The following NOS2 variants were observed in gnomAD, a reference collection of about 807,000 sequenced individuals.
NOS2 encodes nitric oxide synthase 2, also known as nitric oxide synthase, inducible.
In NOS2, 96 loss-of-function variants were observed where a neutral mutation model predicts 136.0. That is an observed-to-expected ratio of 0.71 (90% CI 0.60 to 0.84). The LOEUF (loss-of-function observed/expected upper bound fraction) is 0.84, where lower values mean the gene tolerates loss of function less well. Among genes scored for constraint, NOS2 ranks in the 40% least tolerant of loss-of-function variants. The pLI, the probability that NOS2 is intolerant of heterozygous loss-of-function variation, is 0.00. For synonymous variants in NOS2, 539 were observed against 587.5 expected (o/e 0.92, Z 1.20); for missense variants, 1,237 against 1,496.9 (o/e 0.83, Z 2.87).
Position 27,762,929 on chromosome 17 carries a change from C to A in NOS2, c.2669G>T (p.Arg890Leu). ...LEVLEEFPSL[R>L]VSAGFLLSQL... ...GGAAAGCAGGAAGCCAGCAGACACC[C>A]GCAGGGACGGGAACTCCTCTAGCAC... The change falls in exon 22 of 27, where the codon CGG (arginine) becomes CTG (leucine). Residue 890 changes from arginine to leucine, a missense_variant. By Grantham distance (102) the Arg-to-Leu change is moderately radical. This residue lies in a region of NOS2 where 782 missense variants were observed against 909.9 expected (regional missense o/e 0.86). Coordinates refer to ENST00000313735, the MANE Select transcript of NOS2 (RefSeq NM_000625.4). The A allele has an allele frequency of 6.2e-7, 1 of 1,605,090 alleles. No individual in the cohort carries two copies.
At chr17:27,772,808 A>G (rs1908539792) in intron 13 of NOS2, among the ~76,000 whole-genome samples, 1 of 152,078 alleles carries the variant, frequency 6.6e-6, no homozygotes. Flanking sequence ...GCTGAGCAGG[A>G]AGATCGCTTG....
chr17:27,769,817 G>T (rs1908431975), intron 15 of NOS2, among the ~76,000 whole-genome samples: 1 of 152,164 alleles, frequency 6.6e-6, no homozygotes, highest in Non-Finnish European at 1.5e-5. Context: ...CCTCTTAATG[G>T]GGGACCTGGA....
chr17:27,792,082 T>C (rs1178663481), intron 2 of NOS2, among the ~76,000 whole-genome samples: 1 of 152,242 alleles, frequency 6.6e-6, no homozygotes, highest in Non-Finnish European at 1.5e-5. Context: ...AATGTCTTTG[T>C]ACATTTAACA....
At chr17:27,776,634 T>G (rs1011727217) in intron 11 of NOS2, among the ~76,000 whole-genome samples, 8 of 135,628 alleles carry the variant, frequency 5.9e-5, no homozygotes, top group Admixed American at 2.5e-4. Context: ...GATCACACCA[T>G]GCACTCCAGC....
At chr17:27,767,962 G>A (rs1908363058) in intron 17 of NOS2, 125 bp from the exon 18 acceptor site, 17 of 1,214,324 alleles carry the variant, frequency 1.4e-5, no homozygotes, top group Middle Eastern at 2.8e-4. Context: ...GTGTAACTTC[G>A]AAGCACACTT....
chr17:27,797,442 G>A (rs112904398), intron 2 of NOS2, among the ~76,000 whole-genome samples: 69 of 152,368 alleles, frequency 4.5e-4, no homozygotes, highest in African/African-American at 1.3e-3. Context: ...AGGAAATTGA[G>A]GCTCAGAGGC....
intron 18 of NOS2, 123 bp downstream of exon 18, chr17:27,767,582 G>C: frequency 8.6e-7 from 1 of 1,167,580 alleles, no homozygotes; most frequent in Non-Finnish European, 1.2e-6. Flanking sequence ...CTTGCATGCA[G>C]TGAGAGGGAG....
intron 21 of NOS2, 120 bp downstream of exon 21, chr17:27,763,861 G>A (rs1005773662): frequency 2.0e-5 from 15 of 751,980 alleles, no homozygotes; most frequent in Non-Finnish European, 2.7e-5. Flanking sequence ...CCTTTGACAA[G>A]TCTCACTTTG....
intron 5 of NOS2, among the ~76,000 whole-genome samples, chr17:27,783,905 G>C (rs1176879369): frequency 2.0e-5 from 3 of 152,186 alleles, no homozygotes; most frequent in Non-Finnish European, 4.4e-5. Flanking sequence ...CAGGAGCCTG[G>C]TCAAGCCAGG....
At chr17:27,765,363 C>A (rs1035223064) in intron 20 of NOS2, among the ~76,000 whole-genome samples, 172 bp downstream of exon 20, 40 of 152,230 alleles carry the variant, frequency 2.6e-4, no homozygotes, top group African/African-American at 5.1e-4. Context: ...GGGGGCCATG[C>A]CTTATGGGCT....
At position 27,762,806 on chromosome 17, in the gene NOS2, T is replaced by A. The variant is rs201282647; in HGVS notation, c.2792A>T (p.His931Leu). 5.2e-6 allele frequency: 8 copies of A among 1,549,210 alleles called. No homozygotes were observed. Among genetic ancestry groups the A allele is most frequent in the Non-Finnish European group, 7.0e-6 (8 of 1,146,872 alleles). ...CTCTGCCCCTGGCTCACCTCGGGTGTGGTAGGTGACCACGGCCACAGTCAG... is the reference window on the plus strand; with the variant it reads ...CTCTGCCCCTGGCTCACCTCGGGTGAGGTAGGTGACCACGGCCACAGTCAG... ...IHLTVAVVTYHTRDGQGPLHH... is the reference protein window; with the variant it reads ...IHLTVAVVTYLTRDGQGPLHH... The change falls in exon 22 of 27, where the codon CAC (histidine) becomes CTC (leucine). Residue 931 changes from histidine to leucine, a missense_variant. Coordinates refer to ENST00000313735, the MANE Select transcript of NOS2 (RefSeq NM_000625.4).
intron 13 of NOS2, 105 bp downstream of exon 13, chr17:27,773,055 TA>T: frequency 1.1e-6 from 1 of 917,146 alleles, no homozygotes; most frequent in Non-Finnish European, 1.8e-6. Flanking sequence ...GCAAAAAGCA[TA>T]ACCATTCCTT....
intron 1 of NOS2, among the ~76,000 whole-genome samples, chr17:27,800,005 T>A (rs1909481847): frequency 6.6e-6 from 1 of 152,152 alleles, no homozygotes; most frequent in Non-Finnish European, 1.5e-5. Context: ...AATATATCCA[T>A]CTTACCAGGA....
intron 26 of NOS2, among the ~76,000 whole-genome samples, chr17:27,757,883 C>G (rs1907978250): frequency 6.6e-6 from 1 of 152,178 alleles, no homozygotes; most frequent in Admixed American, 6.5e-5. Flanking sequence ...TAACTCCCAC[C>G]CCCGGGGCCT....
intron 2 of NOS2, among the ~76,000 whole-genome samples, chr17:27,794,360 C>G (rs1246260622): frequency 6.6e-6 from 1 of 152,290 alleles, no homozygotes; most frequent in Admixed American, 6.5e-5. Context: ...AAGCCCCTTC[C>G]GGTGCCTTGC....
At chr17:27,771,828 T>C (rs1174051364) in intron 14 of NOS2, among the ~76,000 whole-genome samples, 1 of 152,248 alleles carries the variant, frequency 6.6e-6, no homozygotes, top group Non-Finnish European at 1.5e-5. Context: ...CGCCACCCAC[T>C]GTCAGATCCT....
At chr17:27,766,454 T>C in intron 19 of NOS2, 56 bp downstream of exon 19, 1 of 1,410,088 alleles carries the variant, frequency 7.1e-7, no homozygotes, top group Admixed American at 1.7e-5. Context: ...TGATCTTTCA[T>C]TCGTTAAAAT....
chr17:27,770,801 G>T, intron 15 of NOS2, 112 bp downstream of exon 15: 1 of 723,434 alleles, frequency 1.4e-6, no homozygotes, highest in Non-Finnish European at 2.4e-6. Flanking sequence ...GGAGTGGCCT[G>T]AGCACTGACT....
At position 27,794,397 on chromosome 17, in the gene NOS2, T is replaced by C. The variant is rs560070482; in HGVS notation, c.110+4303A>G. ...GGCCCCTTGTCCTTGCTACCTGGAC[T>C]GCGCAGAGCCTCCTGACTTTGCTCC... is the stretch of plus-strand genomic sequence containing the variant. On this transcript the variant is annotated intron_variant, in intron 2 of 26. Transcript: ENST00000313735. Among the ~76,000 whole-genome samples, 10 of 152,324 alleles carry C rather than the reference T, an allele frequency of 6.6e-5. No homozygotes were observed. In the East Asian group the frequency reaches 1.7e-3, roughly 26 times the overall value.
Sources: allele counts gnomAD v4.1 joint callset (sites outside exome capture counted in the v4.1 genomes callset), GRCh38; gene constraint gnomAD v4.1.1; regional missense constraint gnomAD v4.1.1; transcripts MANE v1.5; gene names NCBI Gene and HGNC (gene_info 2026-07-23, HGNC 2026-07-21).